Variants in CDH19 observed in about 807,000 individuals in gnomAD.
CDH19 encodes cadherin 19.
CDH19 carries 67 observed loss-of-function variants against 64.2 expected under a neutral mutation model. The observed-to-expected ratio is 1.04, with a 90% CI of 0.86 to 1.28. The LOEUF (loss-of-function observed/expected upper bound fraction) is 1.28, where lower values mean the gene tolerates loss of function less well. Among genes scored for constraint, CDH19 ranks in the 50% most tolerant of loss-of-function variants. The probability of loss-of-function intolerance (pLI) is 0.00; values close to 1 mark genes in which losing one functional copy is unlikely to be tolerated. For missense variants in CDH19, 1,030 were observed against 929.0 expected, an observed-to-expected ratio of 1.11 and a Z score of -1.41; for synonymous variants, 346 against 319.3, an observed-to-expected ratio of 1.08 and a Z score of -0.89.
chr18:66,602,471 T>A (rs1020010349), intron 1 of CDH19, among the ~76,000 whole-genome samples: 1 of 151,900 alleles, frequency 6.6e-6, no homozygotes, highest in African/African-American at 2.4e-5. Flanking sequence ...TTTTTATGTT[T>A]CTTGAGGAAA....
chr18:66,541,397 G>T (rs1469043348), intron 7 of CDH19, among the ~76,000 whole-genome samples: 1 of 152,030 alleles, frequency 6.6e-6, no homozygotes, highest in African/African-American at 2.4e-5. Flanking sequence ...TTAAAGAAGA[G>T]ATATTATCAA....
intron 3 of CDH19, among the ~76,000 whole-genome samples, chr18:66,564,915 T>G (rs1987853578): frequency 6.6e-6 from 1 of 151,684 alleles, no homozygotes; most frequent in Admixed American, 6.6e-5. Flanking sequence ...TAGCAAATAT[T>G]ACTGAAATGG....
intron 9 of CDH19, among the ~76,000 whole-genome samples, chr18:66,517,959 A>C (rs1025904603): frequency 1.1e-4 from 17 of 151,718 alleles, no homozygotes; most frequent in African/African-American, 4.1e-4. Flanking sequence ...TTTTCAAATA[A>C]TTTTTCTTTT....
intron 1 of CDH19, among the ~76,000 whole-genome samples, chr18:66,583,388 T>C (rs1354776482): frequency 2.0e-5 from 3 of 152,076 alleles, no homozygotes; most frequent in Admixed American, 6.6e-5. Context: ...GTTTGTTATA[T>C]AGGAAAACTC....
At chr18:66,594,906 G>C (rs1446221167) in intron 1 of CDH19, among the ~76,000 whole-genome samples, 1 of 150,506 alleles carries the variant, frequency 6.6e-6, no homozygotes. Flanking sequence ...CCTAATGCTA[G>C]ATAACGAGTT....
At chr18:66,572,378 C>A in intron 1 of CDH19, 62 bp from the exon 2 acceptor site, 1 of 460,028 alleles carries the variant, frequency 2.2e-6, no homozygotes, top group Non-Finnish European at 3.9e-6. Flanking sequence ...CACATAATTA[C>A]TAAAGACAGG....
At chr18:66,516,211 T>C (rs906128049) in intron 9 of CDH19, among the ~76,000 whole-genome samples, 28 of 151,886 alleles carry the variant, frequency 1.8e-4, no homozygotes, top group African/African-American at 6.3e-4. Context: ...ATTACTTTTA[T>C]TTGGGATCAC....
intron 1 of CDH19, among the ~76,000 whole-genome samples, chr18:66,588,046 A>T (rs1002013083): frequency 6.6e-6 from 1 of 152,190 alleles, no homozygotes; most frequent in Non-Finnish European, 1.5e-5. Flanking sequence ...ATGAGAAAAA[A>T]GTTGATTCAC....
intron 2 of CDH19, among the ~76,000 whole-genome samples, chr18:66,569,468 A>C (rs539473261): frequency 6.6e-6 from 1 of 151,752 alleles, no homozygotes; most frequent in Admixed American, 6.6e-5. Flanking sequence ...ACTCAGTTAC[A>C]TCTTCTTTAG....
chr18:66,529,580 T>C (rs1206738969), intron 9 of CDH19, among the ~76,000 whole-genome samples: 3 of 148,792 alleles, frequency 2.0e-5, no homozygotes, highest in Non-Finnish European at 4.5e-5. Flanking sequence ...TTAATATAAA[T>C]AGAATAAATT....
At chr18:66,546,599 G>A (rs1261743375) in intron 5 of CDH19, among the ~76,000 whole-genome samples, 3 of 152,052 alleles carry the variant, frequency 2.0e-5, no homozygotes, top group Admixed American at 2.0e-4. Context: ...TAGAACAGGT[G>A]ACAATATACA....
chr18:66,518,371 T>C (rs1226972050), intron 9 of CDH19, among the ~76,000 whole-genome samples: 2 of 152,094 alleles, frequency 1.3e-5, no homozygotes, highest in East Asian at 3.9e-4. Flanking sequence ...GTAGCTGGGA[T>C]TACAGGTGCC....
chr18:66,508,867 A>C, intron 11 of CDH19, 128 bp downstream of exon 11: 1 of 986,750 alleles, frequency 1.0e-6, no homozygotes, highest in Non-Finnish European at 1.5e-6. Context: ...CCACATTATA[A>C]TGCTATAATA....
intron 1 of CDH19, among the ~76,000 whole-genome samples, chr18:66,576,072 C>G (rs1218255463): frequency 6.7e-6 from 1 of 150,040 alleles, no homozygotes; most frequent in East Asian, 2.0e-4. Context: ...CTACAGGCTA[C>G]AAAATAGATA....
intron 1 of CDH19, among the ~76,000 whole-genome samples, chr18:66,577,994 T>A (rs530847508): frequency 6.6e-6 from 1 of 151,992 alleles, no homozygotes; most frequent in Non-Finnish European, 1.5e-5. Flanking sequence ...CTCTTTGTTG[T>A]GTTAAATTTA....
intron 3 of CDH19, among the ~76,000 whole-genome samples, chr18:66,565,531 G>C (rs1987876711): frequency 6.6e-6 from 1 of 151,776 alleles, no homozygotes; most frequent in Non-Finnish European, 1.5e-5. Context: ...TTGGAAGTAA[G>C]GTCAATATTC....
chr18:66,516,455 A>T (rs1450502555), intron 9 of CDH19, among the ~76,000 whole-genome samples: 1 of 152,074 alleles, frequency 6.6e-6, no homozygotes, highest in African/African-American at 2.4e-5. Flanking sequence ...GTGTTCATAA[A>T]TTGAGAATGG....
At chr18:66,530,585 G>A (rs1022728821) in intron 8 of CDH19, among the ~76,000 whole-genome samples, 1 of 151,860 alleles carries the variant, frequency 6.6e-6, no homozygotes, top group East Asian at 1.9e-4. Flanking sequence ...TTCTAAGTGA[G>A]CCAAGAAATC....
intron 5 of CDH19, among the ~76,000 whole-genome samples, chr18:66,547,661 G>GTTTTTT (rs71169155): frequency 2.2e-4 from 18 of 80,144 alleles, no homozygotes; most frequent in South Asian, 1.1e-3. Context: ...TGTGTGTTAG[G>GTTTTTT]TTTTTTTTTT....
Sources: allele counts gnomAD v4.1 joint callset (sites outside exome capture counted in the v4.1 genomes callset), GRCh38; gene constraint gnomAD v4.1.1; transcripts MANE v1.5; gene names NCBI Gene and HGNC (gene_info 2026-07-23, HGNC 2026-07-21).